Variants in PTGIS observed in about 807,000 individuals in gnomAD.
PTGIS encodes prostaglandin I2 synthase.
PTGIS carries 45 observed loss-of-function variants against 50.3 expected under a neutral mutation model. The observed-to-expected ratio is 0.90, with a 90% CI of 0.70 to 1.15. The LOEUF (loss-of-function observed/expected upper bound fraction) is 1.15. Among genes scored for constraint, PTGIS ranks in the 50% most tolerant of loss-of-function variants. The pLI is 0.00. For missense variants in PTGIS, 668 were observed against 661.3 expected, an observed-to-expected ratio of 1.01 and a Z score of -0.11; for synonymous variants, 260 against 267.7, an observed-to-expected ratio of 0.97 and a Z score of 0.28.
In PTGIS at chr20:49,544,443, A is replaced by C; in HGVS notation, c.383T>G (p.Leu128Arg). 4 of 1,614,188 alleles carry C rather than the reference A, an allele frequency of 2.5e-6. No homozygotes were observed. Among genetic ancestry groups the C allele is most frequent in the Non-Finnish European group, 3.4e-6 (4 of 1,180,012 alleles). Residue 128 changes from leucine (L) to arginine (R), a missense_variant, in exon 4 of 10, where the codon CTT becomes CGT. Leu to Arg is a moderately radical substitution (Grantham distance 102, BLOSUM62 -2). Coordinates refer to ENST00000244043, the MANE Select transcript of PTGIS (RefSeq NM_000961.4). ...SDEKARMKLT[L>R]LHRELQALTE... Reference sequence around the variant, plus strand: ...GAGTGCCTGGAGCTCTCTGTGGAGAAGAGTCCTGAGGCAGGAAACAAAAGC... The same window carrying C: ...GAGTGCCTGGAGCTCTCTGTGGAGACGAGTCCTGAGGCAGGAAACAAAAGC...
Position 49,547,839 on chromosome 20 carries a change from A to C in PTGIS, c.377+2T>G. ...CCACAGGTGCCATCTCCAGCCACTC[A>C]CAGTTTCATCCTGGCCTTTTCATCA... On this transcript the variant is annotated splice_donor_variant, in intron 3 of 9. Coordinates refer to ENST00000244043, the MANE Select transcript of PTGIS (RefSeq NM_000961.4). LOFTEE classifies it high-confidence loss of function. 6.2e-7 allele frequency: 1 copy of C among 1,614,012 alleles called. No homozygotes were observed. The highest frequency in any genetic ancestry group is 8.5e-7 in the Non-Finnish European group (1 of 1,179,950).
intron 6 of PTGIS, among the ~76,000 whole-genome samples, chr20:49,518,318 A>G (rs1981549278): frequency 6.6e-6 from 1 of 152,226 alleles, no homozygotes; most frequent in Non-Finnish European, 1.5e-5. Flanking sequence ...GGGCTAAGGG[A>G]GATCCCTGCA....
chr20:49,511,359 A>G (rs1981315622), intron 8 of PTGIS, among the ~76,000 whole-genome samples, 180 bp from the exon 9 acceptor site: 1 of 152,240 alleles, frequency 6.6e-6, no homozygotes, highest in African/African-American at 2.4e-5. Context: ...GTGTACTGAC[A>G]TGGAAAGAAT....
At chr20:49,513,782 G>A (rs1281242874) in intron 7 of PTGIS, among the ~76,000 whole-genome samples, 1 of 152,132 alleles carries the variant, frequency 6.6e-6, no homozygotes, top group Non-Finnish European at 1.5e-5. Flanking sequence ...GGGACTCTTG[G>A]TGGGAACACT....
chr20:49,544,227 T>A, intron 4 of PTGIS, 78 bp downstream of exon 4: 1 of 1,583,662 alleles, frequency 6.3e-7, no homozygotes, highest in Non-Finnish European at 8.6e-7. Flanking sequence ...TCCTCACGGT[T>A]CCCTTGGCCA....
chr20:49,507,973 C>G lies in PTGIS; in HGVS notation c.1450G>C (p.Gly484Arg), dbSNP rs780259112. The G allele has an allele frequency of 4.3e-6, 7 of 1,613,730 alleles. No homozygotes were observed. Among genetic ancestry groups the G allele is most frequent in the Non-Finnish European group, 5.9e-6 (7 of 1,180,032 alleles). ...ACGTCGTGTTCCGGCTGCATCAGAC[C>G]GAAGCCGTACCTGCTGAGGTCAAAC... The part of the protein sequence containing the change: ...PEFDLSRYGF[G>R]LMQPEHDVPV... The change falls in exon 10 of 10, where the codon GGT becomes CGT. Residue 484 changes from glycine (G) to arginine (R), a missense_variant. By Grantham distance (125) the Gly-to-Arg change is moderately radical (BLOSUM62 -2). Coordinates refer to ENST00000244043, the MANE Select transcript of PTGIS (RefSeq NM_000961.4).
intron 1 of PTGIS, among the ~76,000 whole-genome samples, chr20:49,551,610 T>G (rs1357956734): frequency 6.6e-6 from 1 of 152,228 alleles, no homozygotes; most frequent in Non-Finnish European, 1.5e-5. Flanking sequence ...GAGCTGTGCC[T>G]TGACCACGTT....
intron 4 of PTGIS, among the ~76,000 whole-genome samples, chr20:49,542,465 C>T (rs1295554290): frequency 2.0e-5 from 3 of 152,200 alleles, no homozygotes; most frequent in Non-Finnish European, 4.4e-5. Context: ...GTCTGATTCC[C>T]CCTGAGCTGA....
intron 7 of PTGIS, 31 bp downstream of exon 7, chr20:49,514,196 G>C: frequency 6.2e-7 from 1 of 1,611,302 alleles, no homozygotes; most frequent in East Asian, 2.2e-5. Flanking sequence ...CGCAGTCTTA[G>C]GGGCTATCTT....
intron 5 of PTGIS, among the ~76,000 whole-genome samples, chr20:49,529,773 C>T (rs1341786927): frequency 6.6e-6 from 1 of 152,130 alleles, no homozygotes; most frequent in Admixed American, 6.5e-5. Context: ...GTTCAGGTAA[C>T]CCTTATTTTG....
chr20:49,557,755 T>C (rs1982653094), intron 1 of PTGIS, among the ~76,000 whole-genome samples: 1 of 152,212 alleles, frequency 6.6e-6, no homozygotes, highest in South Asian at 2.1e-4. Context: ...AGTATCTCCA[T>C]AGGCAGCTAC....
chr20:49,559,711 T>C (rs868537254), intron 1 of PTGIS, among the ~76,000 whole-genome samples: 4 of 152,138 alleles, frequency 2.6e-5, no homozygotes, highest in African/African-American at 7.2e-5. Flanking sequence ...AGGCCACATA[T>C]TGTATTAATT....
At chr20:49,525,307 C>G (rs758546814) in intron 5 of PTGIS, among the ~76,000 whole-genome samples, 1 of 152,244 alleles carries the variant, frequency 6.6e-6, no homozygotes, top group African/African-American at 2.4e-5. Context: ...GTATAACCTT[C>G]TGATGTTTTT....
chr20:49,518,917 C>T (rs903438950), intron 6 of PTGIS, among the ~76,000 whole-genome samples: 1 of 152,156 alleles, frequency 6.6e-6, no homozygotes, highest in Non-Finnish European at 1.5e-5. Context: ...CCTCTCAGGA[C>T]CACCCAGGAA....
At chr20:49,543,504 C>A (rs960766372) in intron 4 of PTGIS, among the ~76,000 whole-genome samples, 3 of 152,226 alleles carry the variant, frequency 2.0e-5, no homozygotes, top group Non-Finnish European at 2.9e-5. Context: ...CTGAGGCCTG[C>A]TTCTGCCCAC....
At chr20:49,557,846 T>C (rs1018489129) in intron 1 of PTGIS, among the ~76,000 whole-genome samples, 4 of 152,144 alleles carry the variant, frequency 2.6e-5, no homozygotes, top group Non-Finnish European at 5.9e-5. Context: ...CCCTACCCGT[T>C]CCTTTTCTCT....
chr20:49,530,199 A>G (rs1981902752), intron 5 of PTGIS, among the ~76,000 whole-genome samples: 1 of 151,938 alleles, frequency 6.6e-6, no homozygotes, highest in South Asian at 2.1e-4. Context: ...TTATGTATGT[A>G]TAAGACAAAA....
In PTGIS at chr20:49,524,217, A is replaced by T; in HGVS notation, c.696T>A (p.Ser232Arg). The change falls in exon 6 of 10, where the codon AGT (serine) becomes AGA (arginine). Residue 232 changes from serine to arginine, a missense_variant. Coordinates refer to ENST00000244043, the MANE Select transcript of PTGIS (RefSeq NM_000961.4). The stretch of plus-strand genomic sequence containing the variant: ...GCAGCTTCCACAGGCGACTTTTGAC[A>T]CTGCACATGTGGTCCTTGTCCCCTG... The part of the protein sequence containing the change: ...LSVGDKDHMC[S>R]VKSRLWKLLS... The T allele has an allele frequency of 6.2e-7, 1 of 1,614,174 alleles. No individual in the cohort carries two copies. Among genetic ancestry groups the T allele is most frequent in the South Asian group, 1.1e-5 (1 of 91,088 alleles).
intron 1 of PTGIS, among the ~76,000 whole-genome samples, chr20:49,559,194 A>G (rs928737053): frequency 3.9e-5 from 6 of 152,240 alleles, no homozygotes; most frequent in Admixed American, 6.5e-5. Context: ...TGCTTTAAAG[A>G]TAATAATATA....
Sources: allele counts gnomAD v4.1 joint callset (sites outside exome capture counted in the v4.1 genomes callset), GRCh38; gene constraint gnomAD v4.1.1; transcripts MANE v1.5; gene names NCBI Gene and HGNC (gene_info 2026-07-23, HGNC 2026-07-21).